The following PLPP3 variants were observed in gnomAD, a reference collection of about 807,000 sequenced individuals.
The protein encoded by PLPP3 is PAP2 beta.
A neutral mutation model predicts 29.6 loss-of-function variants in PLPP3; 6 were observed. The observed-to-expected ratio is 0.20, with a 90% CI of 0.11 to 0.40. PLPP3 has a LOEUF of 0.40. Among genes scored for constraint, PLPP3 ranks in the 10% least tolerant of loss-of-function variants. The pLI is 1.00. For synonymous variants in PLPP3, 152 were observed against 159.7 expected (o/e 0.95, Z 0.36); for missense variants, 308 against 407.7 (o/e 0.76, Z 2.11).
At chr1:56,564,698 T>C (rs1396736284) in intron 1 of PLPP3, among the ~76,000 whole-genome samples, 1 of 152,222 alleles carries the variant, frequency 6.6e-6, no homozygotes, top group South Asian at 2.1e-4. Context: ...ACTCAAGAAG[T>C]ATATTTTAAT....
Position 56,579,519 on chromosome 1 carries a change from TGCTGCCGCGGC to T in PLPP3, c.-514_-504del. ...CTCCTGCTCCTCCTGCTGTTGGTGC[TGCTGCCGCGGC>T]GGCTGCTGCTGTGATCGCCTGGGTT... On this transcript the variant is annotated 5_prime_UTR_variant, in exon 1 of 6. Transcript: ENST00000371250. The T allele has an allele frequency of 5.8e-6, 1 of 173,278 alleles. No individual in the cohort carries two copies. The highest frequency in any genetic ancestry group is 1.3e-4 in the South Asian group (1 of 7,756). 10.7% of individuals were successfully genotyped at this position (173,278 alleles called of 1,614,324 possible). A position where few individuals can be genotyped will look rare whatever the true frequency, so the allele number is the denominator to read the frequency against.
chr1:56,560,593 GTTTT>G (rs767362755), intron 1 of PLPP3, among the ~76,000 whole-genome samples: 93 of 152,206 alleles, frequency 6.1e-4, no homozygotes, highest in Non-Finnish European at 1.2e-3. Flanking sequence ...CCTCAGTCCT[GTTTT>G]ATAAGGGCAC....
At chr1:56,562,489 A>G (rs12059747) in intron 1 of PLPP3, among the ~76,000 whole-genome samples, 8,842 of 152,306 alleles carry the variant, frequency 0.058, 690 homozygotes, top group African/African-American at 0.17. Context: ...GAATGGAGAA[A>G]AGAGAGCAAA....
chr1:56,553,184 T>A, intron 1 of PLPP3, among the ~76,000 whole-genome samples: 1 of 152,158 alleles, frequency 6.6e-6, no homozygotes, highest in Non-Finnish European at 1.5e-5. Context: ...ATATGATTCA[T>A]GTGTGTGGCT....
chr1:56,503,438 C>T (rs1645680938), intron 5 of PLPP3, among the ~76,000 whole-genome samples: 2 of 152,140 alleles, frequency 1.3e-5, no homozygotes, highest in African/African-American at 4.8e-5. Flanking sequence ...GCTGTAATCC[C>T]AGCACTTTGG....
intron 5 of PLPP3, among the ~76,000 whole-genome samples, chr1:56,511,171 C>T (rs139761163): frequency 2.8e-4 from 43 of 152,314 alleles, no homozygotes; most frequent in African/African-American, 9.6e-4. Context: ...AGTAGGTGCT[C>T]AGTCATGTTC....
intron 5 of PLPP3, among the ~76,000 whole-genome samples, chr1:56,498,203 G>A (rs1356800566): frequency 6.6e-6 from 1 of 152,138 alleles, no homozygotes; most frequent in Non-Finnish European, 1.5e-5. Context: ...TTTGTCAGGA[G>A]GTTTGAACAG....
rs751654402 is a variant in PLPP3, at chr1:56,512,132, G to A, written c.654C>T (p.Phe218=). 31 of 1,605,390 alleles carry A rather than the reference G, an allele frequency of 1.9e-5. No homozygotes were observed. Among genetic ancestry groups the A allele is most frequent in the Non-Finnish European group, 2.4e-5 (28 of 1,177,514 alleles). Reference sequence around the variant, plus strand: ...GGAGCAGGCGGGCTCCTCGCCAAGTGAAGCGGGCCTGCAGGTATAGCTGGA... The same window carrying A: ...GGAGCAGGCGGGCTCCTCGCCAAGTAAAGCGGGCCTGCAGGTATAGCTGGA... ...LYLVLYLQAR[F]TWRGARLLRP... The change falls in exon 5 of 6, where the codon TTC becomes TTT. Residue 218 remains phenylalanine (F), a synonymous_variant. Coordinates refer to ENST00000371250, the MANE Select transcript of PLPP3 (RefSeq NM_003713.5).
intron 1 of PLPP3, among the ~76,000 whole-genome samples, chr1:56,556,765 G>A (rs1263720429): frequency 2.6e-5 from 4 of 150,962 alleles, no homozygotes; most frequent in Non-Finnish European, 2.9e-5. Flanking sequence ...TATCAAGAAG[G>A]ACTGTCCCTG....
In PLPP3 at chr1:56,538,959, C is replaced by CAAAAAAAAACAAAACAAA. The variant is rs1553137993; in HGVS notation, c.140-1848_140-1847insTTTGTTTTGTTTTTTTTT. The CAAAAAAAAACAAAACAAA allele has an allele frequency of 3.1e-5, 3 of 96,500 alleles. No individual in the cohort carries two copies. The East Asian group carries it at 7.4e-4, about 24-fold the overall frequency. 6.0% of individuals were successfully genotyped at this position (96,500 alleles called of 1,614,324 possible). ...AAATAAATACAAGACTTCTGGGCTG[C>CAAAAAAAAACAAAACAAA]AAAAAAAAAAAACACAGTGGATAAT... is the stretch of plus-strand genomic sequence containing the variant. On this transcript the variant is annotated intron_variant, in intron 1 of 5. Coordinates refer to ENST00000371250, the MANE Select transcript of PLPP3 (RefSeq NM_003713.5).
At chr1:56,543,178 T>G (rs545413927) in intron 1 of PLPP3, among the ~76,000 whole-genome samples, 54 of 152,322 alleles carry the variant, frequency 3.5e-4, no homozygotes, top group Non-Finnish European at 7.1e-4. Flanking sequence ...GGTCCCAATT[T>G]GGACCACCTA....
At chr1:56,520,616 C>T (rs1223368175) in intron 4 of PLPP3, among the ~76,000 whole-genome samples, 1 of 118,450 alleles carries the variant, frequency 8.4e-6, no homozygotes, top group Non-Finnish European at 2.0e-5. Flanking sequence ...GTAATCCCAA[C>T]ACTTTGGGAG....
At chr1:56,536,618 C>G (rs1020155998) in intron 2 of PLPP3, among the ~76,000 whole-genome samples, 13 of 152,202 alleles carry the variant, frequency 8.5e-5, no homozygotes, top group Non-Finnish European at 1.9e-4. Flanking sequence ...TGCCTATCCC[C>G]TTGAGCAGTT....
chr1:56,532,697 G>C (rs185391533), intron 2 of PLPP3, among the ~76,000 whole-genome samples: 1 of 152,222 alleles, frequency 6.6e-6, no homozygotes, highest in East Asian at 1.9e-4. Context: ...GATATCTTTT[G>C]ACCTAATGCT....
chr1:56,564,876 C>A (rs933953893), intron 1 of PLPP3, among the ~76,000 whole-genome samples: 5 of 152,216 alleles, frequency 3.3e-5, no homozygotes, highest in African/African-American at 1.2e-4. Context: ...ACAAAAGATT[C>A]TCCAGTAAGT....
chr1:56,571,219 C>G (rs925695401), intron 1 of PLPP3, among the ~76,000 whole-genome samples: 3 of 152,166 alleles, frequency 2.0e-5, no homozygotes, highest in African/African-American at 7.2e-5. Context: ...ATTTGTGAAC[C>G]AAGGGCATTG....
intron 1 of PLPP3, among the ~76,000 whole-genome samples, chr1:56,541,158 A>T (rs565109724): frequency 6.6e-6 from 1 of 152,210 alleles, no homozygotes; most frequent in East Asian, 1.9e-4. Context: ...AAGGTGTCCA[A>T]CAGAGGGTGG....
intron 5 of PLPP3, among the ~76,000 whole-genome samples, chr1:56,506,586 CT>C (rs1230238294): frequency 6.6e-6 from 1 of 152,220 alleles, no homozygotes; most frequent in African/African-American, 2.4e-5. Flanking sequence ...GGGCCCTCCC[CT>C]GACCCCTCCC....
intron 1 of PLPP3, among the ~76,000 whole-genome samples, chr1:56,554,519 C>G (rs958406651): frequency 6.8e-6 from 1 of 146,742 alleles, no homozygotes; most frequent in African/African-American, 2.5e-5. Flanking sequence ...TTGCAGTGAG[C>G]AGAGATCACG....
Sources: gnomAD v4.1 joint callset for allele counts (sites outside exome capture counted in the v4.1 genomes callset) on GRCh38, gnomAD v4.1.1 for gene constraint, MANE v1.5 for transcripts, NCBI Gene and HGNC (gene_info 2026-07-23, HGNC 2026-07-21) for gene names.